Variants in MMP16 observed in about 807,000 individuals in gnomAD.
MMP16 encodes the protein matrix metallopeptidase 16, also known as matrix metalloproteinase-16.
A neutral mutation model predicts 67.8 loss-of-function variants in MMP16; 12 were observed. The ratio of observed to expected loss-of-function variants is 0.18; its 90% CI spans 0.11 to 0.29. MMP16 has a LOEUF of 0.29. Among genes scored for constraint, MMP16 ranks in the 10% least tolerant of loss-of-function variants. The pLI, the probability that MMP16 is intolerant of heterozygous loss-of-function variation, is 1.00. For synonymous variants in MMP16, 249 were observed against 255.9 expected, an observed-to-expected ratio of 0.97 and a Z score of 0.26; for missense variants, 475 against 765.7, an observed-to-expected ratio of 0.62 and a Z score of 4.48.
intron 1 of MMP16, among the ~76,000 whole-genome samples, chr8:88,242,288 C>T (rs1055308720): frequency 9.2e-5 from 14 of 152,056 alleles, no homozygotes; most frequent in African/African-American, 3.4e-4. Context: ...CACTTTCTTT[C>T]TTTTTTACCT....
chr8:88,226,843 T>C (rs1429080629), intron 1 of MMP16, among the ~76,000 whole-genome samples: 4 of 151,844 alleles, frequency 2.6e-5, no homozygotes, highest in African/African-American at 9.7e-5. Context: ...TTGTTTCCTA[T>C]TAAATGTTAA....
chr8:88,068,447 G>T (rs774802067), intron 7 of MMP16, among the ~76,000 whole-genome samples: 3 of 151,940 alleles, frequency 2.0e-5, no homozygotes, highest in Non-Finnish European at 4.4e-5. Context: ...GATTTTGCAT[G>T]ATATCTAAGA....
chr8:88,257,128 A>T (rs1388977138), intron 1 of MMP16, among the ~76,000 whole-genome samples: 3 of 152,284 alleles, frequency 2.0e-5, no homozygotes, highest in East Asian at 3.9e-4. Context: ...AAGGCTGAAC[A>T]TATTGTTATT....
intron 3 of MMP16, among the ~76,000 whole-genome samples, chr8:88,173,377 T>A (rs1808835767): frequency 6.6e-6 from 1 of 152,166 alleles, no homozygotes; most frequent in South Asian, 2.1e-4. Flanking sequence ...GATACCTTTT[T>A]AAAGTATTGT....
At position 88,293,314 on chromosome 8, in the gene MMP16, C is replaced by T. The variant is rs530936860; in HGVS notation, c.132+33761G>A. On this transcript the variant is annotated intron_variant, in intron 1 of 9. Coordinates refer to ENST00000286614, the MANE Select transcript of MMP16 (RefSeq NM_005941.5). Reference sequence around the variant, plus strand: ...GTGATCTAAGTGATTACCCTTACCCCGAAACTACTTAATGCTTTTTTTTAA... The same window carrying T: ...GTGATCTAAGTGATTACCCTTACCCTGAAACTACTTAATGCTTTTTTTTAA... 2.6e-5 allele frequency among the ~76,000 whole-genome samples: 4 copies of T among 151,728 alleles called. No homozygotes were observed. In the East Asian group the frequency reaches 5.8e-4, roughly 22 times the overall value.
chr8:88,096,733 C>A (rs900000707), intron 6 of MMP16, among the ~76,000 whole-genome samples: 5 of 151,708 alleles, frequency 3.3e-5, no homozygotes, highest in Non-Finnish European at 7.4e-5. Flanking sequence ...AATATGCAAC[C>A]CTCATAGGAA....
chr8:88,315,913 A>G (rs2130076194), intron 1 of MMP16, among the ~76,000 whole-genome samples: 1 of 152,324 alleles, frequency 6.6e-6, no homozygotes, highest in South Asian at 2.1e-4. Context: ...AGAAATTAAA[A>G]GTGATACTCC....
chr8:88,037,685 G>A lies in MMP16; in HGVS notation c.*3776C>T, dbSNP rs1808072957. On this transcript the variant is annotated 3_prime_UTR_variant, in exon 10 of 10. Transcript: ENST00000286614. ...CAACCTTATCTACAATTCTGATGCGGAATTACTGCTTTACAGGAAATTCAA... is the reference window on the plus strand; with the variant it reads ...CAACCTTATCTACAATTCTGATGCGAAATTACTGCTTTACAGGAAATTCAA... The A allele has an allele frequency of 1.3e-5, 2 of 151,926 alleles. No individual in the cohort carries two copies. The highest frequency in any genetic ancestry group is 4.1e-4 in the South Asian group (2 of 4,830). The allele number at this position is 151,926 out of a possible 1,614,324, so 9.4% of individuals were successfully genotyped here.
chr8:88,080,134 C>T (rs1014705291), intron 6 of MMP16, among the ~76,000 whole-genome samples: 2 of 152,116 alleles, frequency 1.3e-5, no homozygotes, highest in African/African-American at 2.4e-5. Context: ...TGGGGCAGTG[C>T]GTATTTTCCT....
intron 4 of MMP16, among the ~76,000 whole-genome samples, chr8:88,134,629 C>T (rs1296647469): frequency 6.6e-6 from 1 of 151,454 alleles, no homozygotes; most frequent in Non-Finnish European, 1.5e-5. Context: ...ATTTTTCTAA[C>T]TTTCCTCTCA....
At chr8:88,215,578 C>G (rs1156758647) in intron 1 of MMP16, among the ~76,000 whole-genome samples, 3 of 152,006 alleles carry the variant, frequency 2.0e-5, no homozygotes, top group African/African-American at 7.2e-5. Flanking sequence ...AACCTCAATG[C>G]CGTTCTCTAC....
chr8:88,292,488 C>T (rs1479130190), intron 1 of MMP16, among the ~76,000 whole-genome samples: 1 of 152,140 alleles, frequency 6.6e-6, no homozygotes, highest in African/African-American at 2.4e-5. Context: ...ATCAAACAGT[C>T]TTGAAATAAT....
intron 6 of MMP16, among the ~76,000 whole-genome samples, chr8:88,103,432 C>T (rs916075987): frequency 8.6e-5 from 13 of 151,714 alleles, no homozygotes; most frequent in African/African-American, 2.9e-4. Context: ...AGAATAAAAG[C>T]GAATGAATAA....
chr8:88,202,915 G>T (rs1809366177), intron 1 of MMP16, among the ~76,000 whole-genome samples: 1 of 151,890 alleles, frequency 6.6e-6, no homozygotes. Flanking sequence ...AATGCACCAG[G>T]TAAACGTTCT....
At position 88,053,334 on chromosome 8, in the gene MMP16, C is replaced by A. The variant is rs117179432; in HGVS notation, c.1373+2794G>T. On this transcript the variant is annotated intron_variant, in intron 8 of 9. Coordinates refer to ENST00000286614, the MANE Select transcript of MMP16 (RefSeq NM_005941.5). The stretch of plus-strand genomic sequence containing the variant: ...TGCCTAGTAGATTATTTTAAGTGAT[C>A]TTGATTTTGAATGCTTTTCTGGAGT... 6.1e-3 allele frequency among the ~76,000 whole-genome samples: 925 copies of A among 152,262 alleles called. 7 individuals carry two copies. Among genetic ancestry groups the A allele is most frequent in the South Asian group, 0.023 (111 of 4,828 alleles).
rs1808049231 is a variant in MMP16, at chr8:88,036,012, A to T, written c.*5449T>A. ...GGTCACAATTAGATGAGACTAGAAC[A>T]TGAAGGCAACTTCTTTGCTACTACG... On this transcript the variant is annotated 3_prime_UTR_variant, in exon 10 of 10. Coordinates refer to ENST00000286614, the MANE Select transcript of MMP16 (RefSeq NM_005941.5). The T allele has an allele frequency of 6.6e-6, 1 of 152,032 alleles. No individual in the cohort carries two copies. Among genetic ancestry groups the T allele is most frequent in the Non-Finnish European group, 1.5e-5 (1 of 67,896 alleles). The allele number at this position is 152,032 out of a possible 1,614,324, so 9.4% of individuals were successfully genotyped here.
intron 1 of MMP16, among the ~76,000 whole-genome samples, chr8:88,307,287 A>G (rs894569074): frequency 1.3e-5 from 2 of 152,166 alleles, no homozygotes; most frequent in Non-Finnish European, 2.9e-5. Context: ...GGCTTTTTGT[A>G]TCATGAAATG....
chr8:88,159,019 G>C (rs191393923), intron 4 of MMP16, among the ~76,000 whole-genome samples: 242 of 152,056 alleles, frequency 1.6e-3, no homozygotes, highest in Non-Finnish European at 1.1e-3. Flanking sequence ...TGTTCCATTT[G>C]TCTATATCTC....
intron 1 of MMP16, among the ~76,000 whole-genome samples, chr8:88,204,949 T>C (rs1160217172): frequency 6.6e-6 from 1 of 152,182 alleles, no homozygotes; most frequent in Non-Finnish European, 1.5e-5. Flanking sequence ...TTCCAAGCCA[T>C]GTATGATTTT....
Sources: gnomAD v4.1 joint callset for allele counts (sites outside exome capture counted in the v4.1 genomes callset) on GRCh38, gnomAD v4.1.1 for gene constraint, MANE v1.5 for transcripts, NCBI Gene and HGNC (gene_info 2026-07-23, HGNC 2026-07-21) for gene names.